Variants in SHC4 observed in about 807,000 individuals in gnomAD.
SHC4 encodes SHC adaptor protein 4, also known as SHC-transforming protein 4.
SHC4 carries 41 observed loss-of-function variants against 69.4 expected under a neutral mutation model. That is an observed-to-expected ratio of 0.59 (90% confidence interval 0.46 to 0.77). SHC4 has a LOEUF of 0.77. Among genes scored for constraint, SHC4 ranks in the 30% least tolerant of loss-of-function variants. The pLI, the probability that SHC4 is intolerant of heterozygous loss-of-function variation, is 0.00. For missense variants in SHC4, 777 were observed against 783.8 expected (o/e 0.99, Z 0.10); for synonymous variants, 318 against 299.3 (o/e 1.06, Z -0.64).
chr15:48,930,564 G>C (rs550215704), intron 1 of SHC4, among the ~76,000 whole-genome samples: 2 of 152,312 alleles, frequency 1.3e-5, no homozygotes, highest in African/African-American at 4.8e-5. Context: ...TTGAGCCCAG[G>C]AGTTTAAGGC....
At chr15:48,889,294 T>A (rs1346119727) in intron 3 of SHC4, among the ~76,000 whole-genome samples, 1 of 152,192 alleles carries the variant, frequency 6.6e-6, no homozygotes, top group Non-Finnish European at 1.5e-5. Context: ...TTAAGAGCCA[T>A]TTGTCAGAAT....
chr15:48,941,488 G>A (rs920763394), intron 1 of SHC4, among the ~76,000 whole-genome samples: 1 of 152,142 alleles, frequency 6.6e-6, no homozygotes, highest in Admixed American at 6.6e-5. Context: ...GCTTAGGGGA[G>A]GGTGTTATTT....
At chr15:48,848,600 T>C (rs930791119) in intron 9 of SHC4, among the ~76,000 whole-genome samples, 1 of 152,156 alleles carries the variant, frequency 6.6e-6, no homozygotes, top group East Asian at 1.9e-4. Flanking sequence ...CCAAACAAAC[T>C]TTTATTAAAG....
chr15:48,945,440 A>G (rs1010569451), intron 1 of SHC4, among the ~76,000 whole-genome samples: 2 of 152,254 alleles, frequency 1.3e-5, no homozygotes, highest in African/African-American at 4.8e-5. Flanking sequence ...AGCACTATTC[A>G]TAATAGCCCA....
At chr15:48,901,417 T>C (rs527809460) in intron 2 of SHC4, among the ~76,000 whole-genome samples, 1 of 152,324 alleles carries the variant, frequency 6.6e-6, no homozygotes, top group South Asian at 2.1e-4. Flanking sequence ...AAGGGGTCTT[T>C]CCCTATGTCA....
chr15:48,909,888 A>C (rs913980868), intron 2 of SHC4, among the ~76,000 whole-genome samples: 1 of 152,118 alleles, frequency 6.6e-6, no homozygotes, highest in African/African-American at 2.4e-5. Flanking sequence ...ACTATCCCGC[A>C]TCCCTGGTAT....
chr15:48,931,608 G>A (rs1427265602), intron 1 of SHC4, among the ~76,000 whole-genome samples: 1 of 151,748 alleles, frequency 6.6e-6, no homozygotes, highest in Non-Finnish European at 1.5e-5. Context: ...CCTGAACTCT[G>A]CACACTACCC....
intron 5 of SHC4, among the ~76,000 whole-genome samples, chr15:48,870,291 G>A (rs1053235588): frequency 1.3e-5 from 2 of 152,204 alleles, no homozygotes; most frequent in Non-Finnish European, 2.9e-5. Flanking sequence ...CAGATTACAA[G>A]GCTGGATGGA....
chr15:48,829,531 A>G (rs1469275882), intron 11 of SHC4, among the ~76,000 whole-genome samples: 6 of 152,196 alleles, frequency 3.9e-5, no homozygotes, highest in Non-Finnish European at 7.3e-5. Context: ...TTTGTCCGAT[A>G]TAAGTATGGC....
At chr15:48,870,501 C>G (rs1402694459) in intron 5 of SHC4, among the ~76,000 whole-genome samples, 1 of 152,170 alleles carries the variant, frequency 6.6e-6, no homozygotes, top group Non-Finnish European at 1.5e-5. Flanking sequence ...TTGAAAATAA[C>G]TATACCCCAG....
rs754812013 is a variant in SHC4 at position 48,825,985 on chromosome 15, G to A, written c.1879C>T (p.His627Tyr). 2.5e-6 allele frequency: 4 copies of A among 1,613,296 alleles called. No homozygotes were observed. Among genetic ancestry groups the A allele is most frequent in the Non-Finnish European group, 3.4e-6 (4 of 1,179,802 alleles). The change falls in exon 12 of 12, where the codon CAT becomes TAT. Residue 627 changes from histidine (H) to tyrosine (Y), a missense_variant. Transcript: ENST00000332408. ...VRKDNNPALL[H>Y]SNK Reference sequence around the variant, plus strand: ...CTTCAATACTGTCATTTGTTGGAATGCAAAAGTGCTGGATTATTATCTTTT... The same window carrying A: ...CTTCAATACTGTCATTTGTTGGAATACAAAAGTGCTGGATTATTATCTTTT...
chr15:48,953,359 C>T (rs1232792429), intron 1 of SHC4, among the ~76,000 whole-genome samples: 3 of 151,978 alleles, frequency 2.0e-5, no homozygotes, highest in Non-Finnish European at 4.4e-5. Flanking sequence ...TGTACAACAA[C>T]CCCCCATGAC....
intron 11 of SHC4, among the ~76,000 whole-genome samples, chr15:48,833,189 CA>C (rs1399463687): frequency 1.3e-5 from 2 of 152,168 alleles, no homozygotes; most frequent in African/African-American, 4.8e-5. Flanking sequence ...AGAATCACAC[CA>C]ACCAGCCCAA....
In SHC4 at chr15:48,856,076, T is replaced by G. The variant is rs551044189; in HGVS notation, c.1119A>C (p.Glu373Asp). ...DSHAEEREDH[E>D]YYNEIPGKQP... ...GCTTCCCTGGAATTTCATTGTAATA[T>G]TCATGATCTTCTCTCTCCTCGGCAT... The change falls in exon 8 of 12, where the codon GAA becomes GAC. Residue 373 changes from glutamate to aspartate, a missense_variant. Glu to Asp is a conservative substitution (Grantham distance 45, BLOSUM62 2). Transcript: ENST00000332408. 6.2e-7 allele frequency: 1 copy of G among 1,613,846 alleles called. No individual in the cohort carries two copies.
At chr15:48,873,612 G>C (rs1899736817) in intron 4 of SHC4, among the ~76,000 whole-genome samples, 1 of 152,084 alleles carries the variant, frequency 6.6e-6, no homozygotes, top group African/African-American at 2.4e-5. Flanking sequence ...GGCGTGGTGG[G>C]CACCTGTAGT....
At chr15:48,835,551 A>T (rs955034698) in intron 10 of SHC4, among the ~76,000 whole-genome samples, 7 of 152,128 alleles carry the variant, frequency 4.6e-5, no homozygotes, top group African/African-American at 1.7e-4. Context: ...ACTTTGCTAA[A>T]CCTCACAGCA....
chr15:48,859,942 G>C (rs1016979686), intron 6 of SHC4, among the ~76,000 whole-genome samples: 3 of 152,028 alleles, frequency 2.0e-5, no homozygotes, highest in Admixed American at 2.0e-4. Context: ...AGGGAGGAGA[G>C]AGGTTCACTT....
At chr15:48,920,254 C>T (rs1030908824) in intron 2 of SHC4, among the ~76,000 whole-genome samples, 24 of 151,952 alleles carry the variant, frequency 1.6e-4, no homozygotes, top group African/African-American at 5.8e-4. Flanking sequence ...ATCTCCTGAC[C>T]TCATGATCTG....
At chr15:48,878,086 G>C in intron 4 of SHC4, 2 of 1,485,150 alleles carry the variant, frequency 1.3e-6, no homozygotes, top group Non-Finnish European at 1.8e-6. Flanking sequence ...GGTTACGCAA[G>C]CGCGCAGCCT....
Sources: gnomAD v4.1 joint callset for allele counts (sites outside exome capture counted in the v4.1 genomes callset) on GRCh38, gnomAD v4.1.1 for gene constraint, MANE v1.5 for transcripts, NCBI Gene and HGNC (gene_info 2026-07-23, HGNC 2026-07-21) for gene names.